PEAK1: variants seen among roughly 807,000 people sequenced by gnomAD.
PEAK1 encodes inactive tyrosine-protein kinase PEAK1.
A neutral mutation model predicts 124.7 loss-of-function variants in PEAK1; 54 were observed. The ratio of observed to expected loss-of-function variants is 0.43; its 90% CI spans 0.35 to 0.54. PEAK1 has a LOEUF of 0.54. Among genes scored for constraint, PEAK1 ranks in the 20% least tolerant of loss-of-function variants. PEAK1 has a pLI of 0.01. For missense variants in PEAK1, 2,046 were observed against 2,134.5 expected, an observed-to-expected ratio of 0.96 and a Z score of 0.82; for synonymous variants, 719 against 760.0, an observed-to-expected ratio of 0.95 and a Z score of 0.89.
intron 5 of PEAK1, among the ~76,000 whole-genome samples, chr15:77,281,577 A>G (rs2062676150): frequency 6.6e-6 from 1 of 152,292 alleles, no homozygotes; most frequent in Non-Finnish European, 1.5e-5. Context: ...GCAATTAGCA[A>G]CTTTTCATTT....
intron 1 of PEAK1, among the ~76,000 whole-genome samples, chr15:77,368,310 G>C (rs2068398980): frequency 6.6e-6 from 1 of 152,168 alleles, no homozygotes; most frequent in Admixed American, 6.5e-5. Flanking sequence ...GAGGTCAGGA[G>C]TTCCAGACCA....
intron 6 of PEAK1, among the ~76,000 whole-genome samples, chr15:77,214,555 C>A (rs113229884): frequency 3.3e-5 from 5 of 149,826 alleles, no homozygotes; most frequent in Admixed American, 6.7e-5. Flanking sequence ...ACCCAGGAGG[C>A]GGAACTTGCA....
At chr15:77,177,562 A>C (rs1210922632) in intron 7 of PEAK1, among the ~76,000 whole-genome samples, 2 of 152,044 alleles carry the variant, frequency 1.3e-5, no homozygotes, top group Non-Finnish European at 2.9e-5. Flanking sequence ...AAAACGGGTA[A>C]ATCTGCCCCA....
chr15:77,337,375 A>G, intron 2 of PEAK1: 2 of 947,904 alleles, frequency 2.1e-6, no homozygotes, highest in Non-Finnish European at 2.5e-6. Flanking sequence ...AAAATCAAGA[A>G]ATAATCATTG....
intron 2 of PEAK1, chr15:77,332,345 A>C: frequency 1.1e-6 from 1 of 882,462 alleles, no homozygotes; most frequent in East Asian, 1.2e-4. Context: ...CACACCTGTA[A>C]TCCTAGCACT....
chr15:77,155,944 G>C (rs1369736631), intron 8 of PEAK1: 1 of 153,048 alleles, frequency 6.5e-6, no homozygotes, highest in Non-Finnish European at 1.5e-5. Context: ...GCTGCTCGGG[G>C]GTCAGGGACC....
intron 6 of PEAK1, among the ~76,000 whole-genome samples, chr15:77,218,568 CTCT>C (rs1445885428): frequency 6.6e-6 from 1 of 151,056 alleles, no homozygotes; most frequent in Non-Finnish European, 1.5e-5. Flanking sequence ...GTCTTTAATT[CTCT>C]TTTCTTTTTT....
intron 5 of PEAK1, among the ~76,000 whole-genome samples, chr15:77,262,960 C>T (rs1185973005): frequency 3.3e-5 from 5 of 152,090 alleles, no homozygotes; most frequent in East Asian, 1.9e-4. Flanking sequence ...CACTCAAAAC[C>T]ACTCAGCTAC....
chr15:77,323,997 G>A (rs543420637), intron 2 of PEAK1, among the ~76,000 whole-genome samples: 12 of 152,204 alleles, frequency 7.9e-5, no homozygotes, highest in African/African-American at 2.9e-4. Flanking sequence ...ACAACCATCC[G>A]ATCTTTGATA....
rs188075763 is a variant in PEAK1 at position 77,176,361 on chromosome 15, T to C, written c.3137+2429A>G. On this transcript the variant is annotated intron_variant, in intron 7 of 9. Coordinates refer to ENST00000682557, the MANE Select transcript of PEAK1 (RefSeq NM_001385026.1). ...AAGTTTAATATCTCAATCACTGCTT[T>C]ACTCAGACTATAGCATGTATCTTTA... is the stretch of plus-strand genomic sequence containing the variant. 1.5e-3 allele frequency among the ~76,000 whole-genome samples: 224 copies of C among 152,286 alleles called. 1 individual carries two copies. Among genetic ancestry groups the C allele is most frequent in the African/African-American group, 5.2e-3 (218 of 41,572 alleles).
At chr15:77,337,691 A>T (rs1597350904) in intron 2 of PEAK1, 1 of 985,300 alleles carries the variant, frequency 1.0e-6, no homozygotes, top group Non-Finnish European at 1.2e-6. Context: ...CGGAAAAGTC[A>T]TTTGTCAGTA....
At chr15:77,411,899 A>AC (rs1238901414) in intron 1 of PEAK1, among the ~76,000 whole-genome samples, 1 of 152,212 alleles carries the variant, frequency 6.6e-6, no homozygotes, top group Non-Finnish European at 1.5e-5. Flanking sequence ...GGCATGAGCC[A>AC]CCACACCCAG....
chr15:77,224,125 AAGT>A (rs2059521764), intron 6 of PEAK1, among the ~76,000 whole-genome samples: 1 of 151,820 alleles, frequency 6.6e-6, no homozygotes, highest in African/African-American at 2.4e-5. Flanking sequence ...TTTACAAAAT[AAGT>A]AGTAGTTTTT....
upstream of PEAK1, chr15:77,420,466 C>A (rs868649004): frequency 5.0e-5 from 8 of 161,314 alleles, no homozygotes; most frequent in South Asian, 1.0e-3. Flanking sequence ...AATTTGGGTT[C>A]GATTAAGCCG....
intron 6 of PEAK1, among the ~76,000 whole-genome samples, chr15:77,241,612 T>C (rs2060361149): frequency 6.6e-6 from 1 of 152,074 alleles, no homozygotes; most frequent in African/African-American, 2.4e-5. Flanking sequence ...AATTAATACG[T>C]ATTTTAAGAT....
intron 2 of PEAK1, among the ~76,000 whole-genome samples, chr15:77,291,041 T>A (rs1327294845): frequency 6.6e-6 from 1 of 152,248 alleles, no homozygotes; most frequent in Non-Finnish European, 1.5e-5. Context: ...GAAACAGATA[T>A]ATGCTAACAA....
chr15:77,380,101 T>C (rs1567330217), intron 1 of PEAK1, among the ~76,000 whole-genome samples: 2 of 152,218 alleles, frequency 1.3e-5, no homozygotes, highest in African/African-American at 4.8e-5. Context: ...TTTAGCTCCA[T>C]TGGTCTTTGT....
chr15:77,251,383 G>A (rs933150102), intron 6 of PEAK1, among the ~76,000 whole-genome samples: 4 of 151,966 alleles, frequency 2.6e-5, no homozygotes, highest in African/African-American at 7.3e-5. Flanking sequence ...TTACTATTTT[G>A]GATTCTTGTC....
intron 1 of PEAK1, among the ~76,000 whole-genome samples, chr15:77,413,393 G>GT (rs1483280351): frequency 6.6e-6 from 1 of 152,124 alleles, no homozygotes; most frequent in African/African-American, 2.4e-5. Flanking sequence ...AGAAACCACC[G>GT]TAACAGAGTG....
Sources: allele counts gnomAD v4.1 joint callset (sites outside exome capture counted in the v4.1 genomes callset), GRCh38; gene constraint gnomAD v4.1.1; transcripts MANE v1.5; gene names NCBI Gene and HGNC (gene_info 2026-07-23, HGNC 2026-07-21).